Variants in SRL observed in about 807,000 individuals in gnomAD.
The protein encoded by SRL is sarcalumenin.
In SRL, 23 loss-of-function variants were observed where a neutral mutation model predicts 39.5. The observed-to-expected ratio is 0.58, with a 90% CI of 0.42 to 0.82. The LOEUF (loss-of-function observed/expected upper bound fraction) is 0.82, where lower values mean the gene tolerates loss of function less well. Ranked by LOEUF, SRL falls within the 40% of genes least tolerant of loss-of-function variation. The pLI, the probability that SRL is intolerant of heterozygous loss-of-function variation, is 0.00. For synonymous variants in SRL, 272 were observed against 237.4 expected, an observed-to-expected ratio of 1.15 and a Z score of -1.34; for missense variants, 592 against 607.8, an observed-to-expected ratio of 0.97 and a Z score of 0.27.
intron 1 of SRL, among the ~76,000 whole-genome samples, chr16:4,229,451 A>G (rs1443025121): frequency 1.3e-5 from 2 of 152,012 alleles, no homozygotes; most frequent in Non-Finnish European, 2.9e-5. Context: ...CACCGTCTCA[A>G]AAAAAAACAA....
At chr16:4,212,517 G>C (rs1427723326) in intron 1 of SRL, among the ~76,000 whole-genome samples, 1 of 152,144 alleles carries the variant, frequency 6.6e-6, no homozygotes, top group Non-Finnish European at 1.5e-5. Context: ...ATTGGCCCTG[G>C]AGCAGGGAGG....
At chr16:4,210,032 T>C (rs562346939) in intron 1 of SRL, among the ~76,000 whole-genome samples, 2 of 152,314 alleles carry the variant, frequency 1.3e-5, no homozygotes, top group African/African-American at 2.4e-5. Flanking sequence ...GCTCCTGATT[T>C]GCAGGAATCC....
At chr16:4,202,979 G>A (rs745866177) in intron 3 of SRL, among the ~76,000 whole-genome samples, 187 bp downstream of exon 3, 36 of 152,328 alleles carry the variant, frequency 2.4e-4, no homozygotes, top group Non-Finnish European at 4.1e-4. Flanking sequence ...CCGTGATGGA[G>A]GTGTCGTCCT....
At chr16:4,228,624 A>C (rs1376817852) in intron 1 of SRL, among the ~76,000 whole-genome samples, 1 of 151,392 alleles carries the variant, frequency 6.6e-6, no homozygotes, top group Non-Finnish European at 1.5e-5. Flanking sequence ...AGTCCCAGCT[A>C]CTCGGGAGGT....
chr16:4,221,524 G>T (rs1331959994), intron 1 of SRL, among the ~76,000 whole-genome samples: 1 of 152,184 alleles, frequency 6.6e-6, no homozygotes, highest in Non-Finnish European at 1.5e-5. Flanking sequence ...GGTCAACACT[G>T]AGAGCCACAT....
chr16:4,237,597 C>CA (rs2052726285), intron 1 of SRL, among the ~76,000 whole-genome samples: 2 of 152,190 alleles, frequency 1.3e-5, no homozygotes, highest in Admixed American at 1.3e-4. Context: ...CAAGGCCCTT[C>CA]ACACTTCAGC....
chr16:4,228,558 AC>A (rs1267764601), intron 1 of SRL, among the ~76,000 whole-genome samples: 1 of 151,640 alleles, frequency 6.6e-6, no homozygotes, highest in Non-Finnish European at 1.5e-5. Flanking sequence ...ACACGGTGAA[AC>A]CCCGTCTCTA....
At chr16:4,241,921 C>A in intron 1 of SRL, 86 bp downstream of exon 1, 7 of 1,489,960 alleles carry the variant, frequency 4.7e-6, no homozygotes, top group Non-Finnish European at 5.6e-6. Flanking sequence ...CAGCCCCGAC[C>A]CCCTACCCAA....
At position 4,191,183 on chromosome 16, in the gene SRL, A is replaced by G. The variant is rs895450196; in HGVS notation, c.*970T>C. 6.6e-6 allele frequency: 1 copy of G among 152,326 alleles called. No homozygotes were observed. The highest frequency in any genetic ancestry group is 2.4e-5 in the African/African-American group (1 of 41,446). The allele number at this position is 152,326 out of a possible 1,614,324, so 9.4% of individuals were successfully genotyped here. ...TCGAGCCCTCGAGCCAGCTTTGAGG[A>G]ACACATCAGAGAAGTGGCAGTGGGG... is the stretch of plus-strand genomic sequence containing the variant. On this transcript the variant is annotated 3_prime_UTR_variant, in exon 6 of 6. Transcript: ENST00000399609.
In SRL at chr16:4,203,239, C is replaced by G; in HGVS notation, c.186G>C (p.Lys62Asn). Residue 62 changes from lysine (K) to asparagine (N), a missense_variant, in exon 3 of 6, where the codon AAG becomes AAC. Coordinates refer to ENST00000399609, the MANE Select transcript of SRL (RefSeq NM_001098814.2). Reference sequence around the variant, plus strand: ...GAGGCTTGATGGATGAGTGGTAGATCTTCCGAAGCCGCTGCAGCACCGCTG... The same window carrying G: ...GAGGCTTGATGGATGAGTGGTAGATGTTCCGAAGCCGCTGCAGCACCGCTG... ...DYSAVLQRLR[K>N]IYHSSIKPLE... is the part of the protein sequence containing the mutation. 6.2e-7 allele frequency: 1 copy of G among 1,614,136 alleles called. No individual in the cohort carries two copies. The highest frequency in any genetic ancestry group is 8.5e-7 in the Non-Finnish European group (1 of 1,179,998).
chr16:4,210,827 T>G (rs1453455450), intron 1 of SRL, among the ~76,000 whole-genome samples: 1 of 152,116 alleles, frequency 6.6e-6, no homozygotes, highest in African/African-American at 2.4e-5. Context: ...ACCAGAGACA[T>G]TGAGGCCCTT....
At chr16:4,228,561 C>A (rs540315258) in intron 1 of SRL, among the ~76,000 whole-genome samples, 67 of 152,002 alleles carry the variant, frequency 4.4e-4, no homozygotes, top group African/African-American at 1.5e-3. Flanking sequence ...CGGTGAAACC[C>A]CGTCTCTACT....
intron 1 of SRL, among the ~76,000 whole-genome samples, chr16:4,217,097 G>A (rs1190482739): frequency 6.6e-6 from 1 of 152,128 alleles, no homozygotes; most frequent in Non-Finnish European, 1.5e-5. Context: ...AGAAACGTGG[G>A]AGCTTGGGAA....
At position 4,228,651 on chromosome 16, in the gene SRL, A is replaced by T. The variant is rs185713433; in HGVS notation, c.61+13356T>A. Among the ~76,000 whole-genome samples the T allele has an allele frequency of 5.9e-5, 9 of 151,510 alleles. No individual in the cohort carries two copies. The East Asian group carries it at 1.6e-3, about 26-fold the overall frequency. On this transcript the variant is annotated intron_variant, in intron 1 of 5. Coordinates refer to ENST00000399609, the MANE Select transcript of SRL (RefSeq NM_001098814.2). ...TCGGGAGGTTGAGGCAGGAGAATGG[A>T]GTGAACCCAGGAGGCGGAGCTTGCA...
In SRL at chr16:4,224,642, C is replaced by A. The variant is rs191675232; in HGVS notation, c.61+17365G>T. On this transcript the variant is annotated intron_variant, in intron 1 of 5. Coordinates refer to ENST00000399609, the MANE Select transcript of SRL (RefSeq NM_001098814.2). ...GGGAGGATGGCTTGAGCCCAGGAGA[C>A]GGAGTTTGCAGTGAGCGGAGATTGC... Among the ~76,000 whole-genome samples, 384 of 151,528 alleles carry A rather than the reference C, an allele frequency of 2.5e-3. 2 individuals are homozygous for A. Among genetic ancestry groups the A allele is most frequent in the African/African-American group, 8.5e-3 (351 of 41,258 alleles).
chr16:4,203,309 A>T lies in SRL; in HGVS notation c.164-48T>A, dbSNP rs754699953. ...GAAGAGCATCACGCAGGTGCGATCCAGGCAGCTCCTCCATTGTGGAGGGGC... is the reference window on the plus strand; with the variant it reads ...GAAGAGCATCACGCAGGTGCGATCCTGGCAGCTCCTCCATTGTGGAGGGGC... On this transcript the variant is annotated intron_variant, in intron 2 of 5. Coordinates refer to ENST00000399609, the MANE Select transcript of SRL (RefSeq NM_001098814.2). 1.0e-5 allele frequency: 16 copies of T among 1,534,996 alleles called. No individual in the cohort carries two copies. The South Asian group carries it at 1.8e-4, about 17-fold the overall frequency.
intron 1 of SRL, among the ~76,000 whole-genome samples, chr16:4,220,977 C>T (rs1224627253): frequency 1.3e-5 from 2 of 151,560 alleles, no homozygotes; most frequent in Admixed American, 6.6e-5. Flanking sequence ...AGAGCGAGAT[C>T]CTGTCTCAAA....
At chr16:4,216,328 G>A (rs900099605) in intron 1 of SRL, among the ~76,000 whole-genome samples, 10 of 152,026 alleles carry the variant, frequency 6.6e-5, no homozygotes, top group Non-Finnish European at 1.0e-4. Context: ...CTGGAGTACA[G>A]TGGTACAATC....
chr16:4,226,230 T>A (rs1180194530), intron 1 of SRL, among the ~76,000 whole-genome samples: 3 of 152,240 alleles, frequency 2.0e-5, no homozygotes, highest in Non-Finnish European at 1.5e-5. Flanking sequence ...CAGTTTCCTG[T>A]CTGTCAGGGA....
Sources: allele counts gnomAD v4.1 joint callset (sites outside exome capture counted in the v4.1 genomes callset), GRCh38; gene constraint gnomAD v4.1.1; transcripts MANE v1.5; gene names NCBI Gene and HGNC (gene_info 2026-07-23, HGNC 2026-07-21).